The following SLC22A2 variants were observed in gnomAD, a reference collection of about 807,000 sequenced individuals.
SLC22A2 encodes the protein organic cation transporter 2.
In SLC22A2, 46 loss-of-function variants were observed where a neutral mutation model predicts 60.5. That is an observed-to-expected ratio of 0.76 (90% confidence interval 0.60 to 0.97). The LOEUF is 0.97. SLC22A2 is among the 50% of genes least tolerant of loss of function. The pLI is 0.00. For missense variants in SLC22A2, 701 were observed against 706.6 expected (o/e 0.99, Z 0.09); for synonymous variants, 303 against 267.0 (o/e 1.13, Z -1.31).
chr6:160,234,869 A>G (rs934886405), intron 9 of SLC22A2, among the ~76,000 whole-genome samples: 8 of 152,236 alleles, frequency 5.3e-5, no homozygotes, highest in Non-Finnish European at 1.2e-4. Context: ...GGCTTAGGGA[A>G]TGAATCCTTT....
chr6:160,224,890 T>A, intron 9 of SLC22A2, 86 bp from the exon 10 acceptor site: 1 of 554,660 alleles, frequency 1.8e-6, no homozygotes, highest in Non-Finnish European at 2.7e-6. Flanking sequence ...TGTTTAAAAC[T>A]TTTTTTTAGC....
At chr6:160,253,940 C>A (rs1173538776) in intron 2 of SLC22A2, among the ~76,000 whole-genome samples, 1 of 152,108 alleles carries the variant, frequency 6.6e-6, no homozygotes, top group Non-Finnish European at 1.5e-5. Context: ...GCTTTCCCTC[C>A]CAGAGAACTA....
Position 160,245,496 on chromosome 6 carries a change from A to T in SLC22A2, c.1007T>A (p.Leu336His), listed in dbSNP as rs769557077. ...TATCTGAGGAGTTCTGACCAAGTCA[A>T]GAAATGAAGGGTTCAATTTCTTGCC... is the stretch of plus-strand genomic sequence containing the variant. ...ETGKKLNPSF[L>H]DLVRTPQIRK... The change falls in exon 6 of 11, where the codon CTT becomes CAT. Residue 336 changes from leucine to histidine, a missense_variant. By Grantham distance (99) the Leu-to-His change is moderately conservative. Coordinates refer to ENST00000366953, the MANE Select transcript of SLC22A2 (RefSeq NM_003058.4). 5 of 1,611,372 alleles carry T rather than the reference A, an allele frequency of 3.1e-6. No homozygotes were observed. In the Admixed American group the frequency reaches 6.7e-5, roughly 22 times the overall value.
At chr6:160,235,267 G>C (rs1221470975) in intron 9 of SLC22A2, among the ~76,000 whole-genome samples, 1 of 151,884 alleles carries the variant, frequency 6.6e-6, no homozygotes, top group Non-Finnish European at 1.5e-5. Context: ...GCTTTGATGT[G>C]TGACTAGGTA....
chr6:160,249,283 G>T lies in SLC22A2; in HGVS notation c.775C>A (p.Leu259Ile), dbSNP rs765105384. The change falls in exon 4 of 11, where the codon CTT becomes ATT. Residue 259 changes from leucine (L) to isoleucine (I), a missense_variant. Leu to Ile is a conservative substitution (Grantham distance 5). Coordinates refer to ENST00000366953, the MANE Select transcript of SLC22A2 (RefSeq NM_003058.4). ...AACTGCAACCACCTCCAGTGAGGAA[G>T]TGCGTAAGCCACCCCAGCTAGCACC... is the stretch of plus-strand genomic sequence containing the variant. ...LLVLAGVAYA[L>I]PHWRWLQFTV... The T allele has an allele frequency of 6.2e-7, 1 of 1,613,296 alleles. No individual in the cohort carries two copies. Among genetic ancestry groups the T allele is most frequent in the South Asian group, 1.1e-5 (1 of 91,004 alleles).
chr6:160,251,988 G>A (rs2114870527), intron 2 of SLC22A2, among the ~76,000 whole-genome samples: 1 of 152,092 alleles, frequency 6.6e-6, no homozygotes, highest in South Asian at 2.1e-4. Flanking sequence ...TTTATTTTTA[G>A]TTCTGGGGTA....
At chr6:160,255,573 C>T (rs986803499) in intron 2 of SLC22A2, among the ~76,000 whole-genome samples, 1 of 151,860 alleles carries the variant, frequency 6.6e-6, no homozygotes, top group African/African-American at 2.4e-5. Flanking sequence ...CATGTAAATT[C>T]ATAATTATAT....
chr6:160,236,845 C>T (rs1782919855), intron 9 of SLC22A2, among the ~76,000 whole-genome samples: 1 of 152,062 alleles, frequency 6.6e-6, no homozygotes, highest in Non-Finnish European at 1.5e-5. Flanking sequence ...GGGTACAAAC[C>T]CATGGCTGGG....
intron 9 of SLC22A2, among the ~76,000 whole-genome samples, chr6:160,231,294 T>A (rs911117863): frequency 2.0e-5 from 3 of 151,776 alleles, no homozygotes; most frequent in Admixed American, 6.5e-5. Flanking sequence ...CTTCCCTGAC[T>A]ATTCCTGGAC....
chr6:160,248,493 C>T (rs1167252488), intron 4 of SLC22A2, among the ~76,000 whole-genome samples: 2 of 152,262 alleles, frequency 1.3e-5, no homozygotes, highest in East Asian at 3.9e-4. Flanking sequence ...ATGTTTAATT[C>T]TTAGGCAAGA....
Position 160,226,173 on chromosome 6 carries a change from T to C in SLC22A2, c.1502-1369A>G, listed in dbSNP as rs9457872. On this transcript the variant is annotated intron_variant, in intron 9 of 10. Transcript: ENST00000366953. ...AATTGATAAACTGGCTTATCTGGTC[T>C]TGTGGCCCCCAGCAAGGACTGACTC... Among the ~76,000 whole-genome samples the C allele has an allele frequency of 8.5e-3, 1,293 of 152,262 alleles. 27 individuals are homozygous for C. The highest frequency in any genetic ancestry group is 0.03 in the African/African-American group (1,228 of 41,540).
At chr6:160,234,838 G>T (rs1408182352) in intron 9 of SLC22A2, among the ~76,000 whole-genome samples, 1 of 152,208 alleles carries the variant, frequency 6.6e-6, no homozygotes, top group African/African-American at 2.4e-5. Context: ...ATTTTACAAT[G>T]GTGGCCCAGG....
intron 10 of SLC22A2, among the ~76,000 whole-genome samples, chr6:160,222,770 C>T (rs1231605657): frequency 6.6e-6 from 1 of 152,168 alleles, no homozygotes; most frequent in Non-Finnish European, 1.5e-5. Context: ...AGAGGGCATG[C>T]CCTTGAGAAA....
chr6:160,230,538 A>G (rs1782805015), intron 9 of SLC22A2, among the ~76,000 whole-genome samples: 1 of 151,984 alleles, frequency 6.6e-6, no homozygotes, highest in South Asian at 2.1e-4. Context: ...AAGCTCCAAA[A>G]ATTAAATTCC....
At chr6:160,242,829 T>G (rs2114863848) in intron 7 of SLC22A2, among the ~76,000 whole-genome samples, 1 of 152,272 alleles carries the variant, frequency 6.6e-6, no homozygotes, top group South Asian at 2.1e-4. Flanking sequence ...TCACTCTTGG[T>G]GGTACACCTC....
chr6:160,223,381 C>G (rs1782672582), intron 10 of SLC22A2, among the ~76,000 whole-genome samples: 1 of 152,138 alleles, frequency 6.6e-6, no homozygotes, highest in Admixed American at 6.5e-5. Context: ...TTTTCCAGAG[C>G]TACAAGTATT....
intron 9 of SLC22A2, among the ~76,000 whole-genome samples, chr6:160,234,088 C>A (rs971742979): frequency 6.6e-6 from 1 of 152,160 alleles, no homozygotes; most frequent in African/African-American, 2.4e-5. Flanking sequence ...CCTGGCTCAT[C>A]CTGGCTGAAA....
intron 9 of SLC22A2, among the ~76,000 whole-genome samples, chr6:160,228,431 T>A (rs1782763240): frequency 6.6e-6 from 1 of 152,156 alleles, no homozygotes; most frequent in Non-Finnish European, 1.5e-5. Flanking sequence ...GACACTTGAC[T>A]GAACTTGGGT....
Position 160,258,694 on chromosome 6 carries a change from T to A in SLC22A2, c.64A>T (p.Met22Leu), listed in dbSNP as rs1783322736. The change falls in exon 1 of 11, where the codon ATG becomes TTG. Residue 22 changes from methionine (M) to leucine (L), a missense_variant. By Grantham distance (15) the Met-to-Leu change is conservative. Transcript: ENST00000366953. ...GGEFHFFQKQ[M>L]FFLLALLSAT... ...GAGAGCAGAGCCAAGAGGAAAAACA[T>A]TTGCTTCTGGAAAAAGTGAAACTCC... The A allele has an allele frequency of 6.2e-7, 1 of 1,604,906 alleles. No homozygotes were observed. Among genetic ancestry groups the A allele is most frequent in the South Asian group, 1.1e-5 (1 of 90,014 alleles).
Sources: gnomAD v4.1 joint callset for allele counts (sites outside exome capture counted in the v4.1 genomes callset) on GRCh38, gnomAD v4.1.1 for gene constraint, MANE v1.5 for transcripts, NCBI Gene and HGNC (gene_info 2026-07-23, HGNC 2026-07-21) for gene names.